The following MED13L variants were observed in gnomAD, a reference collection of about 807,000 sequenced individuals.
MED13L encodes mediator of RNA polymerase II transcription subunit 13-like.
Under a neutral mutation model 220.9 loss-of-function variants are expected in MED13L, and 7 were observed. The ratio of observed to expected loss-of-function variants is 0.03; its 90% CI spans 0.02 to 0.06. The LOEUF (loss-of-function observed/expected upper bound fraction) is 0.06. Ranked by LOEUF, MED13L falls within the 10% of genes least tolerant of loss-of-function variation. The pLI, the probability that MED13L is intolerant of heterozygous loss-of-function variation, is 1.00. For missense variants in MED13L, 1,965 were observed against 2,760.5 expected, an observed-to-expected ratio of 0.71 and a Z score of 6.46; for synonymous variants, 1,011 against 1,015.2, an observed-to-expected ratio of 1.00 and a Z score of 0.08.
At chr12:116,197,227 AG>A (rs1422395708) in intron 2 of MED13L, among the ~76,000 whole-genome samples, 2 of 152,206 alleles carry the variant, frequency 1.3e-5, no homozygotes, top group Non-Finnish European at 2.9e-5. Flanking sequence ...ACTCGGCTGA[AG>A]GGCTGGTCTC....
chr12:116,115,879 T>A (rs1874471521), intron 2 of MED13L, among the ~76,000 whole-genome samples: 1 of 152,162 alleles, frequency 6.6e-6, no homozygotes, highest in African/African-American at 2.4e-5. Flanking sequence ...ACATATAGAA[T>A]ACAGTAGCCA....
At chr12:116,245,372 A>G (rs1871011847) in intron 1 of MED13L, among the ~76,000 whole-genome samples, 2 of 152,238 alleles carry the variant, frequency 1.3e-5, no homozygotes, top group Non-Finnish European at 2.9e-5. Context: ...TGAGGCGCAC[A>G]GTTAAGCAAA....
chr12:116,101,341 C>T (rs1873048079), intron 3 of MED13L, among the ~76,000 whole-genome samples: 1 of 152,124 alleles, frequency 6.6e-6, no homozygotes, highest in Non-Finnish European at 1.5e-5. Context: ...ATGTAACATG[C>T]TTAAATGTAT....
intron 2 of MED13L, among the ~76,000 whole-genome samples, chr12:116,175,857 G>C (rs574561897): frequency 7.9e-5 from 12 of 152,234 alleles, no homozygotes; most frequent in African/African-American, 2.6e-4. Context: ...ATAATAATAG[G>C]AGGGTCATTA....
chr12:116,151,950 A>C (rs1410065917), intron 2 of MED13L, among the ~76,000 whole-genome samples: 1 of 152,212 alleles, frequency 6.6e-6, no homozygotes, highest in Non-Finnish European at 1.5e-5. Context: ...TGAATGCCAA[A>C]TCCTACTTAT....
intron 4 of MED13L, among the ~76,000 whole-genome samples, chr12:116,054,947 AATAC>A (rs1237322211): frequency 6.6e-6 from 1 of 152,262 alleles, no homozygotes. Flanking sequence ...CAACCCACAG[AATAC>A]ATAAATTGTG....
At chr12:116,248,205 T>C (rs1022932563) in intron 1 of MED13L, among the ~76,000 whole-genome samples, 3 of 152,286 alleles carry the variant, frequency 2.0e-5, no homozygotes, top group South Asian at 2.1e-4. Flanking sequence ...ACTTAATACA[T>C]AGTTAAAATG....
intron 2 of MED13L, 27 bp from the exon 3 acceptor site, chr12:116,111,539 AAAAG>A: frequency 6.4e-7 from 1 of 1,561,368 alleles, no homozygotes; most frequent in Non-Finnish European, 8.7e-7. Flanking sequence ...AAAAGAAAAA[AAAAG>A]AACCAGTAAA....
At chr12:115,975,401 A>G in intron 24 of MED13L, 88 bp from the exon 25 acceptor site, 1 of 1,604,558 alleles carries the variant, frequency 6.2e-7, no homozygotes, top group Non-Finnish European at 8.5e-7. Context: ...TAGAAATTCC[A>G]AAGAACCTAT....
intron 4 of MED13L, among the ~76,000 whole-genome samples, chr12:116,090,922 C>G (rs1322119002): frequency 6.6e-6 from 1 of 151,916 alleles, no homozygotes; most frequent in African/African-American, 2.4e-5. Context: ...GTCAAGAGTT[C>G]GAGACTAGCC....
intron 4 of MED13L, among the ~76,000 whole-genome samples, chr12:116,036,344 A>G (rs1174938595): frequency 3.9e-5 from 6 of 152,240 alleles, no homozygotes; most frequent in African/African-American, 1.4e-4. Context: ...CTTTTTACTT[A>G]AGAAACACAA....
chr12:116,016,539 C>T (rs961567234), intron 7 of MED13L, among the ~76,000 whole-genome samples: 2 of 152,104 alleles, frequency 1.3e-5, no homozygotes, highest in Admixed American at 1.3e-4. Context: ...ATAACATAGA[C>T]CTTCTCTCCA....
In MED13L at chr12:116,235,097, G is replaced by A. The variant is rs553598718; in HGVS notation, c.310+2371C>T. Among the ~76,000 whole-genome samples, 4 of 152,052 alleles carry A rather than the reference G, an allele frequency of 2.6e-5. No homozygotes were observed. The South Asian group carries it at 8.3e-4, about 32-fold the overall frequency. ...CCTTCAGTTTTTCATGACTGCTATC[G>A]TATTTCCCCTTATTTGAAACAAAGT... On this transcript the variant is annotated intron_variant, in intron 2 of 30. Coordinates refer to ENST00000281928, the MANE Select transcript of MED13L (RefSeq NM_015335.5).
At chr12:116,247,845 TTTTA>T (rs1468035953) in intron 1 of MED13L, among the ~76,000 whole-genome samples, 1 of 152,194 alleles carries the variant, frequency 6.6e-6, no homozygotes, top group Non-Finnish European at 1.5e-5. Flanking sequence ...GGCTCAGAGG[TTTTA>T]TTTGACAATA....
intron 1 of MED13L, among the ~76,000 whole-genome samples, chr12:116,257,878 G>C (rs755585221): frequency 2.6e-5 from 4 of 151,560 alleles, no homozygotes; most frequent in Non-Finnish European, 4.4e-5. Flanking sequence ...CCTCAATTTG[G>C]AACAGTCTAA....
intron 1 of MED13L, among the ~76,000 whole-genome samples, chr12:116,250,887 T>C (rs563379170): frequency 2.0e-5 from 3 of 149,492 alleles, no homozygotes; most frequent in Non-Finnish European, 3.0e-5. Context: ...ATGTCAGATA[T>C]AGAAAGAAGA....
intron 2 of MED13L, among the ~76,000 whole-genome samples, chr12:116,148,051 C>CAAAAAAAAAAAAAAAAAAAAAAAA (rs10678970): frequency 5.5e-5 from 1 of 18,140 alleles, no homozygotes; most frequent in Non-Finnish European, 9.4e-5. Context: ...GACCCCATCT[C>CAAAAAAAAAAAAAAAAAAAAAAAA]AAAAAAAAAA....
At chr12:116,276,021 G>A (rs1033716404) in intron 1 of MED13L, among the ~76,000 whole-genome samples, 10 of 152,180 alleles carry the variant, frequency 6.6e-5, no homozygotes, top group African/African-American at 1.7e-4. Flanking sequence ...GTTTTCAGAG[G>A]TAGGTAATAC....
chr12:116,173,798 C>A (rs1334425744), intron 2 of MED13L, among the ~76,000 whole-genome samples: 1 of 152,062 alleles, frequency 6.6e-6, no homozygotes, highest in Non-Finnish European at 1.5e-5. Flanking sequence ...AAAGGAGAAA[C>A]AGAAGAATGG....
Sources: allele counts gnomAD v4.1 joint callset (sites outside exome capture counted in the v4.1 genomes callset), GRCh38; gene constraint gnomAD v4.1.1; transcripts MANE v1.5; gene names NCBI Gene and HGNC (gene_info 2026-07-23, HGNC 2026-07-21).